The following NTM variants were observed in gnomAD, a reference collection of about 807,000 sequenced individuals.
The protein encoded by NTM is IgLON family member 2.
In NTM, 13 loss-of-function variants were observed where a neutral mutation model predicts 42.1. The observed-to-expected ratio is 0.31, with a 90% confidence interval of 0.20 to 0.49. The LOEUF (loss-of-function observed/expected upper bound fraction) is 0.49, where lower values mean the gene tolerates loss of function less well. NTM is among the 20% of genes least tolerant of loss of function. NTM has a pLI of 0.99. For missense variants in NTM, 373 were observed against 452.8 expected, an observed-to-expected ratio of 0.82 and a Z score of 1.60; for synonymous variants, 187 against 179.2, an observed-to-expected ratio of 1.04 and a Z score of -0.35.
At chr11:131,676,423 G>A (rs2071396773) in intron 1 of NTM, among the ~76,000 whole-genome samples, 1 of 151,874 alleles carries the variant, frequency 6.6e-6, no homozygotes, top group African/African-American at 2.4e-5. Context: ...TTCTAGCACT[G>A]AGGGTGTGTG....
At chr11:132,266,752 G>A (rs766405945) in intron 4 of NTM, among the ~76,000 whole-genome samples, 4 of 152,206 alleles carry the variant, frequency 2.6e-5, no homozygotes, top group Non-Finnish European at 5.9e-5. Context: ...ACAGTTTTGG[G>A]TCTGGTGGAA....
chr11:132,169,319 A>ATTTTTTTTTTTTTTTT (rs1491121130), intron 3 of NTM, among the ~76,000 whole-genome samples: 4 of 10,288 alleles, frequency 3.9e-4, no homozygotes, highest in Non-Finnish European at 8.2e-4. Flanking sequence ...TAATTTTTTT[A>ATTTTTTTTTTTTTTTT]CTTTTTTTTT....
intron 2 of NTM, among the ~76,000 whole-genome samples, chr11:132,075,929 C>T (rs1260333593): frequency 6.6e-6 from 1 of 152,138 alleles, no homozygotes; most frequent in Non-Finnish European, 1.5e-5. Context: ...TTATTGGTGG[C>T]ATTTACCTGA....
chr11:132,320,465 C>T (rs926306578), intron 7 of NTM, among the ~76,000 whole-genome samples: 5 of 152,186 alleles, frequency 3.3e-5, no homozygotes, highest in Non-Finnish European at 4.4e-5. Flanking sequence ...TGCGCTTTTC[C>T]GACGGGCTTA....
chr11:131,616,353 A>G (rs1389790608), intron 1 of NTM, among the ~76,000 whole-genome samples: 2 of 152,320 alleles, frequency 1.3e-5, no homozygotes, highest in East Asian at 3.9e-4. Context: ...AGAAACATTT[A>G]TCAAACTGGA....
chr11:131,447,033 G>A (rs1369460188), intron 1 of NTM, among the ~76,000 whole-genome samples: 2 of 76,854 alleles, frequency 2.6e-5, no homozygotes, highest in East Asian at 2.6e-3. Context: ...CACCAAAGCT[G>A]GAAATTATTT....
chr11:132,231,475 T>C lies in NTM; in HGVS notation c.526+19328T>C, dbSNP rs144783791. 3.0e-3 allele frequency among the ~76,000 whole-genome samples: 456 copies of C among 152,254 alleles called. 5 individuals carry two copies. Among genetic ancestry groups the C allele is most frequent in the African/African-American group, 0.01 (418 of 41,576 alleles). ...ACAGGTAAAAGGGTAAATTTACAAT[T>C]AGCAGCCTCCAATTTGCATAGACAC... is the stretch of plus-strand genomic sequence containing the variant. On this transcript the variant is annotated intron_variant, in intron 4 of 8. Coordinates refer to ENST00000683400, the MANE Select transcript of NTM (RefSeq NM_001352005.2).
chr11:132,195,161 CT>C (rs2079980110), intron 3 of NTM, among the ~76,000 whole-genome samples: 1 of 151,960 alleles, frequency 6.6e-6, no homozygotes, highest in Admixed American at 6.6e-5. Flanking sequence ...AACTTCCAAG[CT>C]GAGAGGCAAA....
intron 2 of NTM, among the ~76,000 whole-genome samples, chr11:131,971,644 G>T (rs892548479): frequency 6.6e-6 from 1 of 151,948 alleles, no homozygotes. Context: ...TGAGCTATGT[G>T]ACCTCAGTGA....
At chr11:131,650,045 C>T (rs1220959990) in intron 1 of NTM, among the ~76,000 whole-genome samples, 1 of 152,204 alleles carries the variant, frequency 6.6e-6, no homozygotes, top group Non-Finnish European at 1.5e-5. Context: ...GCTTAGGCAT[C>T]ACCCTTCTCA....
At chr11:131,844,549 T>C (rs1490972935) in intron 1 of NTM, among the ~76,000 whole-genome samples, 2 of 152,216 alleles carry the variant, frequency 1.3e-5, no homozygotes, top group Non-Finnish European at 2.9e-5. Context: ...ACTTATAGAA[T>C]ATTTTTGTAT....
intron 1 of NTM, among the ~76,000 whole-genome samples, chr11:131,654,064 CAT>C (rs2066856945): frequency 1.3e-5 from 2 of 152,220 alleles, no homozygotes; most frequent in African/African-American, 2.4e-5. Flanking sequence ...AGACAGCTCT[CAT>C]GTGTACAGGA....
At chr11:132,238,400 A>C (rs1320775663) in intron 4 of NTM, among the ~76,000 whole-genome samples, 5 of 152,152 alleles carry the variant, frequency 3.3e-5, no homozygotes, top group African/African-American at 1.2e-4. Flanking sequence ...TGATGGCTGA[A>C]AATAATCCAC....
chr11:131,637,691 G>A (rs1257384607), intron 1 of NTM, among the ~76,000 whole-genome samples: 1 of 151,848 alleles, frequency 6.6e-6, no homozygotes, highest in Non-Finnish European at 1.5e-5. Context: ...CGTCTTTCCA[G>A]TTCCTGTGGT....
intron 3 of NTM, among the ~76,000 whole-genome samples, chr11:132,152,450 T>C (rs2072169724): frequency 6.6e-6 from 1 of 152,360 alleles, no homozygotes; most frequent in Admixed American, 6.5e-5. Context: ...CCTCTCTTTT[T>C]CCTGTCCCAT....
chr11:131,663,850 C>A (rs937788686), intron 1 of NTM, among the ~76,000 whole-genome samples: 1 of 152,122 alleles, frequency 6.6e-6, no homozygotes, highest in Non-Finnish European at 1.5e-5. Context: ...CTGGTTTTAT[C>A]ATCCTCTTCT....
At chr11:132,136,160 C>A (rs532749732) in intron 2 of NTM, among the ~76,000 whole-genome samples, 1 of 152,300 alleles carries the variant, frequency 6.6e-6, no homozygotes, top group South Asian at 2.1e-4. Context: ...CCAGCCCCTG[C>A]AGTGTGTATT....
rs1224310248 is a variant in NTM at position 131,809,963 on chromosome 11, G to A, written c.83-101601G>A. 3.3e-5 allele frequency among the ~76,000 whole-genome samples: 5 copies of A among 152,188 alleles called. No homozygotes were observed. The East Asian group carries it at 9.7e-4, about 29-fold the overall frequency. On this transcript the variant is annotated intron_variant, in intron 1 of 8. Coordinates refer to ENST00000683400, the MANE Select transcript of NTM (RefSeq NM_001352005.2). The stretch of plus-strand genomic sequence containing the variant: ...TGAATACACAACTTTTTGATTTATT[G>A]TCATTGTGAACTTATCACTCTTTCC...
intron 1 of NTM, among the ~76,000 whole-genome samples, chr11:131,631,668 G>C (rs754404648): frequency 6.6e-6 from 1 of 152,078 alleles, no homozygotes; most frequent in South Asian, 2.1e-4. Flanking sequence ...ATAACTGTTT[G>C]GTCCTAATTT....
Sources: allele counts gnomAD v4.1 joint callset (sites outside exome capture counted in the v4.1 genomes callset), GRCh38; gene constraint gnomAD v4.1.1; transcripts MANE v1.5; gene names NCBI Gene and HGNC (gene_info 2026-07-23, HGNC 2026-07-21).